FMNL2: variants seen among roughly 807,000 people sequenced by gnomAD.
FMNL2 encodes formin like 2.
In FMNL2, 51 loss-of-function variants were observed where a neutral mutation model predicts 130.2. The ratio of observed to expected loss-of-function variants is 0.39; its 90% CI spans 0.31 to 0.49. The LOEUF is 0.49. Ranked by LOEUF, FMNL2 falls within the 20% of genes least tolerant of loss-of-function variation. The pLI, the probability that FMNL2 is intolerant of heterozygous loss-of-function variation, is 0.85. For synonymous variants in FMNL2, 465 were observed against 467.1 expected, an observed-to-expected ratio of 1.00 and a Z score of 0.06; for missense variants, 977 against 1,316.2, an observed-to-expected ratio of 0.74 and a Z score of 3.99.
chr2:152,382,381 G>A (rs927681008), intron 1 of FMNL2, among the ~76,000 whole-genome samples: 2 of 152,186 alleles, frequency 1.3e-5, no homozygotes, highest in African/African-American at 4.8e-5. Flanking sequence ...TGATGTGAGA[G>A]AGCCTGGCTT....
intron 1 of FMNL2, among the ~76,000 whole-genome samples, chr2:152,521,092 A>C (rs1693061376): frequency 6.6e-6 from 1 of 152,230 alleles, no homozygotes; most frequent in South Asian, 2.1e-4. Context: ...GGAGGCCAAA[A>C]GAATAGATCT....
chr2:152,364,247 T>A (rs1366423156), intron 1 of FMNL2, among the ~76,000 whole-genome samples: 1 of 145,430 alleles, frequency 6.9e-6, no homozygotes, highest in East Asian at 2.1e-4. Context: ...TCACATCCGT[T>A]AGGAGGTTTG....
chr2:152,637,481 T>G (rs1682718751), intron 22 of FMNL2, 92 bp from the exon 23 acceptor site: 1 of 970,770 alleles, frequency 1.0e-6, no homozygotes, highest in Admixed American at 2.0e-5. Flanking sequence ...AGCCTCTGTC[T>G]TGTGGCTGCT....
intron 1 of FMNL2, among the ~76,000 whole-genome samples, chr2:152,366,492 A>AAAG (rs61437756): frequency 0.16 from 24,218 of 152,050 alleles, 2,161 homozygotes; most frequent in African/African-American, 0.23. Context: ...AACAACAAAA[A>AAAG]GAATGAGAAC....
chr2:152,383,397 G>T (rs564621008), intron 1 of FMNL2, among the ~76,000 whole-genome samples: 1 of 141,474 alleles, frequency 7.1e-6, no homozygotes, highest in Non-Finnish European at 1.5e-5. Flanking sequence ...ATTGTTTATT[G>T]TAATGCTAAT....
At chr2:152,376,575 C>A (rs1003139298) in intron 1 of FMNL2, among the ~76,000 whole-genome samples, 1 of 152,176 alleles carries the variant, frequency 6.6e-6, no homozygotes, top group Non-Finnish European at 1.5e-5. Context: ...CACAGCTGTG[C>A]AGTGTGGCCT....
intron 1 of FMNL2, among the ~76,000 whole-genome samples, chr2:152,345,788 G>A (rs1410462801): frequency 6.6e-6 from 1 of 152,144 alleles, no homozygotes; most frequent in African/African-American, 2.4e-5. Context: ...ATCCAGATGC[G>A]AACCTGGAGA....
chr2:152,637,988 A>G (rs1333891310), intron 23 of FMNL2, among the ~76,000 whole-genome samples: 1 of 152,220 alleles, frequency 6.6e-6, no homozygotes, highest in Non-Finnish European at 1.5e-5. Flanking sequence ...TTGAAAATCC[A>G]GGCCTCTTGT....
At chr2:152,395,368 G>A (rs979290468) in intron 1 of FMNL2, among the ~76,000 whole-genome samples, 1 of 152,218 alleles carries the variant, frequency 6.6e-6, no homozygotes, top group South Asian at 2.1e-4. Context: ...AGAACTAAAT[G>A]TCTTAATCCT....
intron 9 of FMNL2, among the ~76,000 whole-genome samples, chr2:152,603,943 G>C (rs1336036278): frequency 6.6e-6 from 1 of 151,004 alleles, no homozygotes. Flanking sequence ...TGAGCCATTG[G>C]TTCCCAGATG....
intron 1 of FMNL2, among the ~76,000 whole-genome samples, chr2:152,439,079 T>TTGTGTGTGTGTGTGTG (rs10539703): frequency 8.5e-4 from 123 of 144,586 alleles, no homozygotes; most frequent in African/African-American, 2.7e-3. Context: ...TTCAGTTTAA[T>TTGTGTGTGTGTGTGTG]TGTGTGTGTG....
chr2:152,559,326 A>G (rs537104681), intron 5 of FMNL2, among the ~76,000 whole-genome samples: 1 of 152,132 alleles, frequency 6.6e-6, no homozygotes, highest in East Asian at 1.9e-4. Flanking sequence ...TATTGTTTTG[A>G]TTTTCTGCCC....
chr2:152,448,667 T>C (rs1379558931), intron 1 of FMNL2, among the ~76,000 whole-genome samples: 1 of 152,246 alleles, frequency 6.6e-6, no homozygotes, highest in Non-Finnish European at 1.5e-5. Flanking sequence ...AAAGCATTTG[T>C]TGAACTCCTA....
Position 152,445,447 on chromosome 2 carries a change from G to A in FMNL2, c.118-76496G>A, listed in dbSNP as rs145762018. On this transcript the variant is annotated intron_variant, in intron 1 of 25. Coordinates refer to ENST00000288670, the MANE Select transcript of FMNL2 (RefSeq NM_052905.4). The stretch of plus-strand genomic sequence containing the variant: ...AATGGAACATTTTATAATCTGTGCC[G>A]AGTAACCACTAGCTGCTGAGTTAGT... Among the ~76,000 whole-genome samples, 571 of 152,286 alleles carry A rather than the reference G, an allele frequency of 3.7e-3. 2 individuals carry two copies. The highest frequency in any genetic ancestry group is 0.013 in the African/African-American group (548 of 41,544).
chr2:152,602,082 G>A (rs1698110060), intron 9 of FMNL2, among the ~76,000 whole-genome samples: 1 of 152,220 alleles, frequency 6.6e-6, no homozygotes, highest in South Asian at 2.1e-4. Context: ...AGGTTTTACA[G>A]TCTTGTCTAA....
intron 17 of FMNL2, 27 bp downstream of exon 17, chr2:152,626,754 T>G (rs757504137): frequency 2.4e-5 from 37 of 1,566,528 alleles, no homozygotes; most frequent in Non-Finnish European, 3.1e-5. Context: ...TATATTCTAG[T>G]TAGTTTATGA....
intron 1 of FMNL2, among the ~76,000 whole-genome samples, chr2:152,348,625 A>T (rs894228221): frequency 2.0e-4 from 31 of 152,306 alleles, no homozygotes; most frequent in African/African-American, 7.5e-4. Context: ...CAAGAATACG[A>T]AACATTCAGA....
chr2:152,459,528 T>C (rs1257412047), intron 1 of FMNL2, among the ~76,000 whole-genome samples: 2 of 152,242 alleles, frequency 1.3e-5, no homozygotes, highest in East Asian at 1.9e-4. Flanking sequence ...TTAAGCAAAA[T>C]GTTTTTTGTT....
At chr2:152,493,345 G>A (rs960353730) in intron 1 of FMNL2, among the ~76,000 whole-genome samples, 1 of 152,238 alleles carries the variant, frequency 6.6e-6, no homozygotes, top group African/African-American at 2.4e-5. Context: ...TTCTGAAAAG[G>A]AAAGATACTG....
Sources: allele counts gnomAD v4.1 joint callset (sites outside exome capture counted in the v4.1 genomes callset), GRCh38; gene constraint gnomAD v4.1.1; transcripts MANE v1.5; gene names NCBI Gene and HGNC (gene_info 2026-07-23, HGNC 2026-07-21).